DPYD: variants seen among roughly 807,000 people sequenced by gnomAD.
The protein encoded by DPYD is dihydropyrimidine dehydrogenase [NADP(+)].
A neutral mutation model predicts 116.2 loss-of-function variants in DPYD; 109 were observed. The observed-to-expected ratio is 0.94, with a 90% CI of 0.80 to 1.10. DPYD has a LOEUF of 1.10. DPYD is among the 50% of genes least tolerant of loss of function. The pLI is 0.00. For missense variants in DPYD, 1,302 were observed against 1,254.5 expected (o/e 1.04, Z -0.57); for synonymous variants, 440 against 432.0 (o/e 1.02, Z -0.23).
chr1:97,288,862 C>A (rs1357705200), intron 18 of DPYD, among the ~76,000 whole-genome samples: 1 of 151,814 alleles, frequency 6.6e-6, no homozygotes, highest in Non-Finnish European at 1.5e-5. Flanking sequence ...GAAATAGAGA[C>A]ACAAAAAACC....
At chr1:97,474,227 C>T (rs942654313) in intron 13 of DPYD, among the ~76,000 whole-genome samples, 5 of 151,874 alleles carry the variant, frequency 3.3e-5, no homozygotes, top group Non-Finnish European at 5.9e-5. Context: ...AATATTCTAA[C>T]GATGAACAAT....
chr1:97,671,853 A>G (rs1659876884), intron 8 of DPYD, among the ~76,000 whole-genome samples: 1 of 151,808 alleles, frequency 6.6e-6, no homozygotes, highest in South Asian at 2.1e-4. Flanking sequence ...ATATTTCATT[A>G]TATATGAACA....
At chr1:97,790,190 T>A (rs925477494) in intron 3 of DPYD, among the ~76,000 whole-genome samples, 1 of 152,172 alleles carries the variant, frequency 6.6e-6, no homozygotes, top group Non-Finnish European at 1.5e-5. Flanking sequence ...CTTTCTGGTA[T>A]TGGAGAAAAA....
chr1:97,731,105 C>T (rs547578003), intron 4 of DPYD, among the ~76,000 whole-genome samples: 1 of 151,884 alleles, frequency 6.6e-6, no homozygotes, highest in South Asian at 2.1e-4. Flanking sequence ...TATGCCATGC[C>T]AAAAGACACA....
intron 16 of DPYD, among the ~76,000 whole-genome samples, chr1:97,331,433 C>T (rs1241888032): frequency 2.0e-5 from 3 of 152,102 alleles, no homozygotes; most frequent in Non-Finnish European, 4.4e-5. Flanking sequence ...TAAGCTATGG[C>T]TGTGCGACTG....
chr1:97,145,049 C>CA (rs1297368366), intron 20 of DPYD, among the ~76,000 whole-genome samples: 10 of 151,528 alleles, frequency 6.6e-5, no homozygotes, highest in Non-Finnish European at 1.0e-4. Flanking sequence ...GAGAAGATGT[C>CA]AAAAAAAATG....
chr1:97,441,036 A>T (rs560267129), intron 14 of DPYD, among the ~76,000 whole-genome samples: 3 of 152,124 alleles, frequency 2.0e-5, no homozygotes, highest in Admixed American at 1.3e-4. Context: ...TGTTTCTGAC[A>T]ATTAATCACA....
intron 1 of DPYD, among the ~76,000 whole-genome samples, chr1:97,918,719 G>A (rs1215887977): frequency 6.6e-6 from 1 of 152,170 alleles, no homozygotes; most frequent in Non-Finnish European, 1.5e-5. Context: ...TTAGCTCATA[G>A]GGAAAAGTCA....
intron 3 of DPYD, among the ~76,000 whole-genome samples, chr1:97,827,672 T>C (rs1401515944): frequency 2.0e-5 from 3 of 152,008 alleles, no homozygotes; most frequent in East Asian, 1.9e-4. Flanking sequence ...TCACTAAAAA[T>C]ACTATAATAT....
chr1:97,527,418 A>G (rs1050289156), intron 12 of DPYD, among the ~76,000 whole-genome samples: 2 of 152,162 alleles, frequency 1.3e-5, no homozygotes, highest in Non-Finnish European at 2.9e-5. Context: ...CTAAATTATT[A>G]ATGTCCTCAA....
At chr1:97,687,099 C>A (rs916500444) in intron 7 of DPYD, among the ~76,000 whole-genome samples, 4 of 152,034 alleles carry the variant, frequency 2.6e-5, no homozygotes, top group Non-Finnish European at 4.4e-5. Context: ...GGTAAAATCC[C>A]ATCTGTAACA....
At chr1:97,727,881 A>G (rs1193072879) in intron 4 of DPYD, among the ~76,000 whole-genome samples, 1 of 151,876 alleles carries the variant, frequency 6.6e-6, no homozygotes, top group Non-Finnish European at 1.5e-5. Context: ...AAGAGGTTTG[A>G]TTTCTGTTCT....
intron 5 of DPYD, chr1:97,720,742 T>C (rs1280414332): frequency 1.4e-6 from 2 of 1,437,912 alleles, no homozygotes; most frequent in African/African-American, 3.0e-5. Flanking sequence ...TTTGACCTTC[T>C]AGCCAACTAG....
chr1:97,886,701 A>G (rs1672506411), intron 1 of DPYD, among the ~76,000 whole-genome samples: 1 of 152,028 alleles, frequency 6.6e-6, no homozygotes, highest in South Asian at 2.1e-4. Context: ...CTTTATTTGA[A>G]CCTGTATGCA....
intron 16 of DPYD, among the ~76,000 whole-genome samples, chr1:97,369,894 C>T (rs1057227191): frequency 3.3e-5 from 5 of 152,088 alleles, no homozygotes; most frequent in African/African-American, 9.7e-5. Flanking sequence ...TACCAAAAAG[C>T]GAGCAGCATT....
rs187403843 is a variant in DPYD at position 97,109,006 on chromosome 1, G to A, written c.2623-10374C>T. ...GCAGAATGATCATTGATCTTAGAAC[G>A]CAGAAACTAGCTGAATGACCTGGGG... On this transcript the variant is annotated intron_variant, in intron 20 of 22. Transcript: ENST00000370192. 4.9e-3 allele frequency among the ~76,000 whole-genome samples: 739 copies of A among 152,200 alleles called. 4 individuals carry two copies. The highest frequency in any genetic ancestry group is 7.2e-3 in the Non-Finnish European group (486 of 67,970).
Position 97,717,210 on chromosome 1 carries a change from T to C in DPYD, c.483+4300A>G, listed in dbSNP as rs369002673. Among the ~76,000 whole-genome samples the C allele has an allele frequency of 2.9e-4, 44 of 152,204 alleles. No homozygotes were observed. In the East Asian group the frequency reaches 6.8e-3, roughly 23 times the overall value. On this transcript the variant is annotated intron_variant, in intron 5 of 22. Coordinates refer to ENST00000370192, the MANE Select transcript of DPYD (RefSeq NM_000110.4). ...TTTATTGTATATTTCAAAGTATTTA[T>C]TGCATTACTGCAAATAGTATATGCT... is the stretch of plus-strand genomic sequence containing the variant.
chr1:97,812,896 T>C (rs1055210436), intron 3 of DPYD, among the ~76,000 whole-genome samples: 4 of 152,114 alleles, frequency 2.6e-5, no homozygotes, highest in African/African-American at 9.7e-5. Flanking sequence ...TCATGCTCTT[T>C]AAAAACAGAC....
At chr1:97,128,704 A>G (rs1653041625) in intron 20 of DPYD, among the ~76,000 whole-genome samples, 1 of 152,160 alleles carries the variant, frequency 6.6e-6, no homozygotes, top group Admixed American at 6.6e-5. Flanking sequence ...ACTCTTGCAG[A>G]CTGAACAGAA....
Sources: allele counts gnomAD v4.1 joint callset (sites outside exome capture counted in the v4.1 genomes callset), GRCh38; gene constraint gnomAD v4.1.1; transcripts MANE v1.5; gene names NCBI Gene and HGNC (gene_info 2026-07-23, HGNC 2026-07-21).